ZFHX3: variants seen among roughly 807,000 people sequenced by gnomAD.
ZFHX3 encodes zinc finger homeobox 3.
A neutral mutation model predicts 279.1 loss-of-function variants in ZFHX3; 42 were observed. The ratio of observed to expected loss-of-function variants is 0.15; its 90% CI spans 0.12 to 0.19. ZFHX3 has a LOEUF of 0.19. Among genes scored for constraint, ZFHX3 ranks in the 10% least tolerant of loss-of-function variants. The probability of loss-of-function intolerance (pLI) is 1.00; values close to 1 mark genes in which losing one functional copy is unlikely to be tolerated. For missense variants in ZFHX3, 4,981 were observed against 4,754.0 expected (o/e 1.05, Z -1.40); for synonymous variants, 2,293 against 1,957.8 (o/e 1.17, Z -4.52).
At chr16:73,662,271 C>T (rs1163171262) in intron 2 of ZFHX3, among the ~76,000 whole-genome samples, 2 of 152,118 alleles carry the variant, frequency 1.3e-5, no homozygotes, top group African/African-American at 4.8e-5. Flanking sequence ...AGCCTTTTCC[C>T]AGATTTTTTT....
intron 1 of ZFHX3, among the ~76,000 whole-genome samples, chr16:73,021,468 A>T (rs1420483544): frequency 6.6e-6 from 1 of 152,188 alleles, no homozygotes; most frequent in Non-Finnish European, 1.5e-5. Flanking sequence ...ACATGGCCTT[A>T]TTTGGAAATA....
At chr16:73,846,388 T>C (rs1448780980) in intron 1 of ZFHX3, among the ~76,000 whole-genome samples, 1 of 152,208 alleles carries the variant, frequency 6.6e-6, no homozygotes, top group Non-Finnish European at 1.5e-5. Context: ...ATCTCATTTC[T>C]AGGTGACTGA....
chr16:73,272,361 C>T (rs2014169944), intron 4 of ZFHX3, among the ~76,000 whole-genome samples: 2 of 152,054 alleles, frequency 1.3e-5, no homozygotes, highest in African/African-American at 4.8e-5. Context: ...AATCTGAGAC[C>T]TGTTAGTCTG....
chr16:73,417,472 T>C (rs1167357531), intron 3 of ZFHX3, among the ~76,000 whole-genome samples: 1 of 146,652 alleles, frequency 6.8e-6, no homozygotes, highest in African/African-American at 2.5e-5. Flanking sequence ...GCTCAAGTGA[T>C]CCTCCTGCCT....
chr16:73,038,551 G>A (rs1164347864), intron 1 of ZFHX3, among the ~76,000 whole-genome samples: 2 of 152,210 alleles, frequency 1.3e-5, no homozygotes, highest in Non-Finnish European at 2.9e-5. Context: ...TCTGAGCGTT[G>A]AGACCAGAAC....
At chr16:73,746,175 T>G (rs758419155) in intron 1 of ZFHX3, among the ~76,000 whole-genome samples, 1 of 152,126 alleles carries the variant, frequency 6.6e-6, no homozygotes, top group Non-Finnish European at 1.5e-5. Context: ...ATTGCATCAA[T>G]CCTGCCGCTG....
chr16:73,755,692 G>A (rs904658551), intron 1 of ZFHX3, among the ~76,000 whole-genome samples: 3 of 152,186 alleles, frequency 2.0e-5, no homozygotes, highest in African/African-American at 7.2e-5. Flanking sequence ...CCAAAGGCAA[G>A]GAATCGAACC....
At position 73,839,953 on chromosome 16, in the gene ZFHX3, C is replaced by T. The variant is rs76312735; in HGVS notation, c.-1608+51698G>A. 6.5e-3 allele frequency among the ~76,000 whole-genome samples: 984 copies of T among 152,316 alleles called. 7 individuals carry two copies. The highest frequency in any genetic ancestry group is 0.022 in the African/African-American group (917 of 41,570). ...CCCCTGTGTCTTCTCTTCTCCATTT[C>T]CCATTCCTGGACCCATCCTCTGTGT... is the stretch of plus-strand genomic sequence containing the variant. On this transcript the variant is annotated intron_variant, in intron 1 of 17. Transcript: ENST00000641206.
rs112778518 is a variant in ZFHX3 at position 73,708,556 on chromosome 16, C to T, written c.-1607-28316G>A. 5.7e-3 allele frequency among the ~76,000 whole-genome samples: 866 copies of T among 152,266 alleles called. 14 individuals carry two copies. Among genetic ancestry groups the T allele is most frequent in the African/African-American group, 0.019 (789 of 41,552 alleles). ...TCATTCTCCTAAGTAGTAGGATTAC[C>T]ATCAGAACTGTTATCACATTCCATT... On this transcript the variant is annotated intron_variant, in intron 1 of 17. Coordinates refer to the ZFHX3 transcript ENST00000641206.
At chr16:73,272,578 C>T (rs2014176063) in intron 4 of ZFHX3, among the ~76,000 whole-genome samples, 1 of 152,140 alleles carries the variant, frequency 6.6e-6, no homozygotes, top group Non-Finnish European at 1.5e-5. Flanking sequence ...GGACACAAAA[C>T]AAATAAAACA....
intron 7 of ZFHX3, among the ~76,000 whole-genome samples, chr16:73,118,026 C>A (rs1966452148): frequency 6.6e-6 from 1 of 152,166 alleles, no homozygotes; most frequent in Non-Finnish European, 1.5e-5. Context: ...AACTAAGACA[C>A]CCCCAAAATC....
At chr16:72,800,220 T>G (rs1597247661) in intron 7 of ZFHX3, 91 bp from the exon 8 acceptor site, 4 of 1,071,354 alleles carry the variant, frequency 3.7e-6, no homozygotes, top group African/African-American at 1.6e-5. Flanking sequence ...AAAATTAGCC[T>G]TCACCAGTGT....
chr16:72,813,916 G>A (rs1323443065), intron 5 of ZFHX3, among the ~76,000 whole-genome samples: 2 of 152,154 alleles, frequency 1.3e-5, no homozygotes, highest in Non-Finnish European at 2.9e-5. Context: ...GGCCGCTCCT[G>A]AACACATCTA....
intron 4 of ZFHX3, among the ~76,000 whole-genome samples, chr16:72,875,272 C>G (rs2038279992): frequency 6.6e-6 from 1 of 152,218 alleles, no homozygotes; most frequent in African/African-American, 2.4e-5. Flanking sequence ...CTGAATACGG[C>G]AGATACCTGC....
In ZFHX3 at chr16:72,796,430, C is replaced by T. The variant is rs1186930210; in HGVS notation, c.6252G>A (p.Pro2084=). ...PTIAPAQPSV[P]LTQLSMPMEL... is the part of the protein sequence containing the mutation. ...CCATCGGCATGGAGAGCTGGGTGAG[C>T]GGCACTGATGGCTGGGCCGGTGCAA... Residue 2084 remains proline, a synonymous_variant, in exon 9 of 10, where the codon CCG becomes CCA. Coordinates refer to ENST00000268489, the MANE Select transcript of ZFHX3 (RefSeq NM_006885.4). The T allele has an allele frequency of 1.1e-5, 17 of 1,610,462 alleles. No homozygotes were observed. The highest frequency in any genetic ancestry group is 5.5e-5 in the South Asian group (5 of 91,046).
intron 3 of ZFHX3, among the ~76,000 whole-genome samples, chr16:73,341,060 G>T (rs1193304878): frequency 6.6e-6 from 1 of 152,116 alleles, no homozygotes; most frequent in African/African-American, 2.4e-5. Context: ...AAAATTGAGG[G>T]AGCCGGATGC....
chr16:73,665,972 C>T (rs1252748791), intron 2 of ZFHX3, among the ~76,000 whole-genome samples: 2 of 151,470 alleles, frequency 1.3e-5, no homozygotes, highest in African/African-American at 2.4e-5. Context: ...ACCACCACCA[C>T]GCCCGGCTAA....
intron 1 of ZFHX3, among the ~76,000 whole-genome samples, chr16:73,736,612 T>G (rs1001201683): frequency 6.6e-6 from 1 of 152,228 alleles, no homozygotes; most frequent in African/African-American, 2.4e-5. Context: ...CTTTTCTCTT[T>G]CGGAAAAGAA....
At chr16:72,888,100 C>T (rs755277286) in intron 4 of ZFHX3, among the ~76,000 whole-genome samples, 1 of 152,008 alleles carries the variant, frequency 6.6e-6, no homozygotes, top group Admixed American at 6.6e-5. Context: ...AAATAAGTAA[C>T]AAAAGAAATA....
Sources: gnomAD v4.1 joint callset for allele counts (sites outside exome capture counted in the v4.1 genomes callset) on GRCh38, gnomAD v4.1.1 for gene constraint, MANE v1.5 for transcripts, NCBI Gene and HGNC (gene_info 2026-07-23, HGNC 2026-07-21) for gene names.